The following CFI variants were observed in gnomAD, a reference collection of about 807,000 sequenced individuals.
The protein encoded by CFI is C3B/C4B inactivator.
CFI carries 66 observed loss-of-function variants against 78.8 expected under a neutral mutation model. The observed-to-expected ratio is 0.84, with a 90% CI of 0.69 to 1.03. The LOEUF is 1.03. Ranked by LOEUF, CFI falls within the 50% of genes least tolerant of loss-of-function variation. The pLI is 0.00. For missense variants in CFI, 706 were observed against 704.5 expected (o/e 1.00, Z -0.02); for synonymous variants, 250 against 232.6 (o/e 1.07, Z -0.68).
intron 1 of CFI, among the ~76,000 whole-genome samples, chr4:109,774,673 G>A (rs1729001258): frequency 6.6e-6 from 1 of 152,188 alleles, no homozygotes; most frequent in African/African-American, 2.4e-5. Flanking sequence ...ACCCTCCAGT[G>A]TGTAGAGGTT....
the CFI span, among the ~76,000 whole-genome samples, chr4:109,734,854 T>C: frequency 6.6e-6 from 1 of 152,110 alleles, no homozygotes; most frequent in Admixed American, 6.5e-5. Flanking sequence ...CAAAATAAAT[T>C]ATGAAAATAT....
At chr4:109,760,702 T>C in intron 4 of CFI, 66 bp from the exon 5 acceptor site, 2 of 936,204 alleles carry the variant, frequency 2.1e-6, no homozygotes, top group South Asian at 2.6e-5. Context: ...CCTTATCAGA[T>C]TTTTGGGATA....
At chr4:109,801,851 T>C (rs1732801016) in intron 1 of CFI, 64 bp downstream of exon 1, 2 of 1,081,028 alleles carry the variant, frequency 1.9e-6, no homozygotes, top group South Asian at 2.9e-5. Context: ...AAGATTATTT[T>C]CTATGTTTTT....
chr4:109,743,990 A>G (rs1028077916), intron 11 of CFI, among the ~76,000 whole-genome samples: 1 of 152,162 alleles, frequency 6.6e-6, no homozygotes, highest in Non-Finnish European at 1.5e-5. Flanking sequence ...GTCTCAAAAA[A>G]AAAAATCCAG....
chr4:109,776,691 T>A (rs2125835928), intron 1 of CFI, among the ~76,000 whole-genome samples: 1 of 152,104 alleles, frequency 6.6e-6, no homozygotes, highest in African/African-American at 2.4e-5. Context: ...AAAGTTGAAA[T>A]GAAGGAAAAA....
chr4:109,770,111 T>A (rs1203959943), intron 1 of CFI, among the ~76,000 whole-genome samples: 5 of 152,194 alleles, frequency 3.3e-5, no homozygotes, highest in African/African-American at 1.2e-4. Flanking sequence ...GCCATTTTTT[T>A]AAACTGTACT....
Position 109,740,879 on chromosome 4 carries a change from G to C in CFI, c.*14C>G. 6.3e-7 allele frequency: 1 copy of C among 1,595,900 alleles called. No homozygotes were observed. Among genetic ancestry groups the C allele is most frequent in the Non-Finnish European group, 8.6e-7 (1 of 1,163,530 alleles). ...TGAGAGAAAAAGAATAGAATGAAGA[G>C]AGAGATCACAATTTTATACATTGTA... On this transcript the variant is annotated 3_prime_UTR_variant, in exon 13 of 13. Coordinates refer to ENST00000394634, the MANE Select transcript of CFI (RefSeq NM_000204.5).
At chr4:109,762,060 C>A in intron 3 of CFI, 2 of 286,760 alleles carry the variant, frequency 7.0e-6, no homozygotes, top group South Asian at 3.6e-5. Context: ...GTGTGGTGGC[C>A]TACACCTGTA....
At chr4:109,732,726 G>A in the CFI span, among the ~76,000 whole-genome samples, 2 of 151,780 alleles carry the variant, frequency 1.3e-5, no homozygotes, top group African/African-American at 2.4e-5. Flanking sequence ...GCATGGTGGC[G>A]GGCACCTGTA....
intron 1 of CFI, among the ~76,000 whole-genome samples, chr4:109,799,530 C>A (rs2125878943): frequency 6.6e-6 from 1 of 152,174 alleles, no homozygotes; most frequent in Admixed American, 6.5e-5. Flanking sequence ...TATATACTTT[C>A]CCATGGAAGA....
At chr4:109,738,881 C>T (rs911591577), downstream of CFI, among the ~76,000 whole-genome samples, 2 of 152,164 alleles carry the variant, frequency 1.3e-5, no homozygotes, top group Non-Finnish European at 1.5e-5. Context: ...AATAAATAAC[C>T]AAATACTTTC....
intron 7 of CFI, among the ~76,000 whole-genome samples, chr4:109,753,064 A>G (rs1470275918): frequency 4.3e-4 from 1 of 2,350 alleles, no homozygotes; most frequent in African/African-American, 6.0e-4. Context: ...ATTTATATAT[A>G]AATAAATATT....
intron 1 of CFI, among the ~76,000 whole-genome samples, chr4:109,779,554 C>T (rs1298820932): frequency 1.3e-5 from 2 of 152,208 alleles, no homozygotes; most frequent in African/African-American, 2.4e-5. Context: ...AATGGCCATA[C>T]TACCCAAGGT....
intron 1 of CFI, among the ~76,000 whole-genome samples, chr4:109,790,157 C>G (rs1177034674): frequency 6.6e-6 from 1 of 151,858 alleles, no homozygotes; most frequent in Non-Finnish European, 1.5e-5. Flanking sequence ...GTAGTAATAC[C>G]TCCAATTTCA....
chr4:109,754,192 C>T (rs914867459), intron 7 of CFI, among the ~76,000 whole-genome samples: 11 of 151,052 alleles, frequency 7.3e-5, no homozygotes, highest in Non-Finnish European at 1.5e-4. Context: ...CCATATTGGT[C>T]AGGCTGGTCT....
intron 8 of CFI, among the ~76,000 whole-genome samples, chr4:109,750,883 T>C (rs1725054043): frequency 6.6e-6 from 1 of 152,220 alleles, no homozygotes; most frequent in Admixed American, 6.5e-5. Flanking sequence ...CGGGAAGGCC[T>C]CTGAGATTTC....
chr4:109,757,205 T>G (rs945769950), intron 7 of CFI, among the ~76,000 whole-genome samples: 9 of 151,958 alleles, frequency 5.9e-5, no homozygotes, highest in African/African-American at 1.7e-4. Flanking sequence ...ATTTTTTTTT[T>G]TTGTATTTTT....
intron 7 of CFI, among the ~76,000 whole-genome samples, 176 bp downstream of exon 7, chr4:109,757,587 G>A (rs1456262402): frequency 6.6e-6 from 1 of 152,124 alleles, no homozygotes. Flanking sequence ...GTGTGTGAGA[G>A]TGAAAGTTTA....
intron 1 of CFI, among the ~76,000 whole-genome samples, chr4:109,773,985 A>G (rs556104048): frequency 1.3e-5 from 2 of 152,406 alleles, no homozygotes; most frequent in South Asian, 2.1e-4. Context: ...GCTTATTCAC[A>G]TCTTGGGATA....
Sources: allele counts gnomAD v4.1 joint callset (sites outside exome capture counted in the v4.1 genomes callset), GRCh38; gene constraint gnomAD v4.1.1; transcripts MANE v1.5; gene names NCBI Gene and HGNC (gene_info 2026-07-23, HGNC 2026-07-21).